ATAD2B: variants seen among roughly 807,000 people sequenced by gnomAD.
ATAD2B encodes the protein ATPase family AAA domain-containing protein 2B.
Under a neutral mutation model 167.6 loss-of-function variants are expected in ATAD2B, and 40 were observed. The ratio of observed to expected loss-of-function variants is 0.24; its 90% CI spans 0.19 to 0.31. The LOEUF (loss-of-function observed/expected upper bound fraction) is 0.31, where lower values mean the gene tolerates loss of function less well. Ranked by LOEUF, ATAD2B falls within the 10% of genes least tolerant of loss-of-function variation. The pLI is 1.00. For missense variants in ATAD2B, 1,242 were observed against 1,757.2 expected, an observed-to-expected ratio of 0.71 and a Z score of 5.24; for synonymous variants, 579 against 596.5, an observed-to-expected ratio of 0.97 and a Z score of 0.43.
downstream of ATAD2B, among the ~76,000 whole-genome samples, chr2:23,745,987 T>C (rs749172017): frequency 3.3e-5 from 5 of 152,224 alleles, no homozygotes; most frequent in Admixed American, 6.5e-5. Context: ...TACTTTCCCC[T>C]GCAGCTGTCA....
At chr2:23,715,714 G>A in the ATAD2B span, among the ~76,000 whole-genome samples, 1 of 148,454 alleles carries the variant, frequency 6.7e-6, no homozygotes, top group Non-Finnish European at 1.5e-5. Context: ...TACTGTTTCT[G>A]TGGTTAAATA....
chr2:23,755,798 T>C (rs1193903156), intron 25 of ATAD2B, among the ~76,000 whole-genome samples: 1 of 152,114 alleles, frequency 6.6e-6, no homozygotes, highest in Non-Finnish European at 1.5e-5. Flanking sequence ...TCATGATATA[T>C]CAGAGAAATT....
At chr2:23,684,625 T>G in the ATAD2B span, 4 of 1,240,438 alleles carry the variant, frequency 3.2e-6, no homozygotes, top group Non-Finnish European at 4.4e-6. This position sits in a 1 kb window ranked among gnomAD's most constrained non-coding sequence, Gnocchi z 4.4. Context: ...TGCAGGTTCC[T>G]GAAGCGTGAC....
the ATAD2B span, chr2:23,691,654 A>G: frequency 1.3e-6 from 2 of 1,550,308 alleles, no homozygotes; most frequent in South Asian, 2.4e-5. Context: ...AGGTAAGGAC[A>G]CCCTGGTCTC....
At chr2:23,857,011 C>T (rs533123591) in intron 13 of ATAD2B, among the ~76,000 whole-genome samples, 28 of 151,728 alleles carry the variant, frequency 1.8e-4, no homozygotes, top group Non-Finnish European at 3.7e-4. Context: ...GAGTTGAAAA[C>T]CAGCCTAGGC....
At chr2:23,901,728 G>A (rs909007455) in intron 1 of ATAD2B, among the ~76,000 whole-genome samples, 2 of 151,956 alleles carry the variant, frequency 1.3e-5, no homozygotes, top group African/African-American at 4.8e-5. Context: ...ACTTCTAAGA[G>A]TATTATGATA....
At chr2:23,740,546 G>A in the ATAD2B span, among the ~76,000 whole-genome samples, 10 of 151,876 alleles carry the variant, frequency 6.6e-5, no homozygotes, top group Admixed American at 1.3e-4. Context: ...TTGATGGGAC[G>A]TATCTCAAAA....
chr2:23,738,553 T>C, the ATAD2B span, among the ~76,000 whole-genome samples: 95 of 152,128 alleles, frequency 6.2e-4, no homozygotes, highest in Non-Finnish European at 1.1e-3. Flanking sequence ...AAGGAAGCAC[T>C]AAACATGGAA....
intron 1 of ATAD2B, among the ~76,000 whole-genome samples, chr2:23,922,484 G>GAA (rs111564340): frequency 4.0e-5 from 6 of 149,414 alleles, no homozygotes; most frequent in East Asian, 2.0e-4. Flanking sequence ...GATAAGAGAG[G>GAA]AAAAAAAAAT....
chr2:23,759,958 C>T (rs1441041076), intron 24 of ATAD2B, among the ~76,000 whole-genome samples: 1 of 152,212 alleles, frequency 6.6e-6, no homozygotes, highest in Admixed American at 6.5e-5. Flanking sequence ...CATAACCTCT[C>T]TTATTCTGCA....
chr2:23,729,704 G>A, the ATAD2B span, among the ~76,000 whole-genome samples: 5 of 152,044 alleles, frequency 3.3e-5, no homozygotes, highest in African/African-American at 7.2e-5. Context: ...GTAAAATGAT[G>A]AGAAAAGCTA....
chr2:23,809,844 G>A lies in ATAD2B; in HGVS notation c.2454+472C>T, dbSNP rs372956185. 2.6e-4 allele frequency among the ~76,000 whole-genome samples: 40 copies of A among 152,144 alleles called. No individual in the cohort carries two copies. The East Asian group carries it at 6.9e-3, about 26-fold the overall frequency. On this transcript the variant is annotated intron_variant, in intron 18 of 27. Coordinates refer to ENST00000238789, the MANE Select transcript of ATAD2B (RefSeq NM_017552.4). ...ACAAACCAGTAAATACAAAATAGTT[G>A]AAAATCAAATGTCAAATACACAACT...
In ATAD2B at chr2:23,751,190, GTTTT is replaced by G. The variant is rs1454047880; in HGVS notation, c.*852_*855del. 6.6e-6 allele frequency: 1 copy of G among 151,704 alleles called. No homozygotes were observed. The highest frequency in any genetic ancestry group is 2.4e-5 in the African/African-American group (1 of 41,304). 9.4% of individuals were successfully genotyped at this position (151,704 alleles called of 1,614,324 possible). A position where few individuals can be genotyped will look rare whatever the true frequency, so the allele number is the denominator to read the frequency against. ...CAAAACGTGTGCAGTTTTGTTTTTT[GTTTT>G]TTTGTGTGTGGACTGTGTATTATTC... On this transcript the variant is annotated 3_prime_UTR_variant, in exon 28 of 28. Coordinates refer to ENST00000238789, the MANE Select transcript of ATAD2B (RefSeq NM_017552.4).
intron 5 of ATAD2B, 50 bp from the exon 6 acceptor site, chr2:23,884,923 C>T (rs777116672): frequency 2.4e-6 from 3 of 1,252,414 alleles, no homozygotes; most frequent in Non-Finnish European, 3.3e-6. Flanking sequence ...TTATTCTCCA[C>T]TACAAAAAAA....
intron 1 of ATAD2B, among the ~76,000 whole-genome samples, chr2:23,913,478 A>T (rs1702584065): frequency 6.6e-6 from 1 of 152,066 alleles, no homozygotes; most frequent in Admixed American, 6.6e-5. Context: ...CATCTCTACT[A>T]AAAATACAAA....
intron 2 of ATAD2B, among the ~76,000 whole-genome samples, chr2:23,889,155 T>C (rs1699108592): frequency 6.6e-6 from 1 of 152,144 alleles, no homozygotes; most frequent in African/African-American, 2.4e-5. Context: ...ATCACAAATA[T>C]GTATGACTGC....
intron 12 of ATAD2B, among the ~76,000 whole-genome samples, chr2:23,861,232 T>C (rs917340234): frequency 6.7e-5 from 10 of 149,534 alleles, no homozygotes; most frequent in Non-Finnish European, 1.3e-4. Flanking sequence ...CTGTGATAAA[T>C]ATTTTGTGTC....
chr2:23,918,634 G>A (rs1248555528), intron 1 of ATAD2B, among the ~76,000 whole-genome samples: 3 of 151,934 alleles, frequency 2.0e-5, no homozygotes, highest in Non-Finnish European at 4.4e-5. Flanking sequence ...TATACTCCTA[G>A]ACACCACAAT....
At chr2:23,691,698 C>G in the ATAD2B span, 5 of 1,551,604 alleles carry the variant, frequency 3.2e-6, no homozygotes, top group Non-Finnish European at 4.4e-6. Context: ...GCGGCCAGGG[C>G]GGCCGGGAGA....
Sources: allele counts gnomAD v4.1 joint callset (sites outside exome capture counted in the v4.1 genomes callset), GRCh38; gene constraint gnomAD v4.1.1; non-coding constraint Gnocchi (gnomAD v3.1); transcripts MANE v1.5; gene names NCBI Gene and HGNC (gene_info 2026-07-23, HGNC 2026-07-21).